The following PTCD1 variants were observed in gnomAD, a reference collection of about 807,000 sequenced individuals.
PTCD1 encodes pentatricopeptide repeat-containing protein 1, mitochondrial.
Under a neutral mutation model 53.4 loss-of-function variants are expected in PTCD1, and 50 were observed. That is an observed-to-expected ratio of 0.94 (90% CI 0.75 to 1.19). The LOEUF is 1.19. PTCD1 is among the 50% of genes most tolerant of loss of function. The pLI, the probability that PTCD1 is intolerant of heterozygous loss-of-function variation, is 0.00. For missense variants in PTCD1, 918 were observed against 904.8 expected (o/e 1.01, Z -0.19); for synonymous variants, 413 against 394.8 (o/e 1.05, Z -0.55).
At chr7:99,431,001 G>A (rs1022689934) in intron 3 of PTCD1, among the ~76,000 whole-genome samples, 1 of 152,074 alleles carries the variant, frequency 6.6e-6, no homozygotes, top group African/African-American at 2.4e-5. Flanking sequence ...CTTGAACCTG[G>A]GAGGTGGAGG....
chr7:99,427,493 C>A (rs1411996625), intron 5 of PTCD1, among the ~76,000 whole-genome samples: 4 of 150,202 alleles, frequency 2.7e-5, no homozygotes, highest in African/African-American at 9.8e-5. Flanking sequence ...GGGGGTCAGC[C>A]CCCCGCCCAG....
At position 99,429,743 on chromosome 7, in the gene PTCD1, C is replaced by T. The variant is rs142976150; in HGVS notation, c.658G>A (p.Glu220Lys). ...AGAGCTGAGTCCTTCCAGGGGGACT[C>T]GGCACAGACGTTGAACAGGGCCGTG... is the stretch of plus-strand genomic sequence containing the variant. ...TYTALFNVCAESPWKDSALQS... is the reference protein window; with the variant it reads ...TYTALFNVCAKSPWKDSALQS... Residue 220 changes from glutamate to lysine, a missense_variant, in exon 4 of 8, where the codon GAG (glutamate) becomes AAG (lysine). Transcript: ENST00000292478. 370 of 1,614,156 alleles carry T rather than the reference C, an allele frequency of 2.3e-4. 1 individual carries two copies. The highest frequency in any genetic ancestry group is 2.7e-4 in the Non-Finnish European group (313 of 1,180,038).
At position 99,433,283 on chromosome 7, in the gene PTCD1, T is replaced by A; in HGVS notation, c.589A>T (p.Asn197Tyr). 6.2e-7 allele frequency: 1 copy of A among 1,614,124 alleles called. No homozygotes were observed. The highest frequency in any genetic ancestry group is 8.5e-7 in the Non-Finnish European group (1 of 1,180,012). The change falls in exon 3 of 8, where the codon AAC (asparagine) becomes TAC (tyrosine). Residue 197 changes from asparagine (N) to tyrosine (Y), a missense_variant. Physicochemically the swap from Asn to Tyr is moderately radical, Grantham distance 143. Coordinates refer to ENST00000292478, the MANE Select transcript of PTCD1 (RefSeq NM_015545.4). ...GYLKKAFNLY[N>Y]QMKKRDLEPS... ...TGCCCTGCGCCCACATGCACCTGGTTGTAGAGGTTGAAGGCCTTCTTCAGG... is the reference window on the plus strand; with the variant it reads ...TGCCCTGCGCCCACATGCACCTGGTAGTAGAGGTTGAAGGCCTTCTTCAGG...
intron 7 of PTCD1, among the ~76,000 whole-genome samples, chr7:99,423,002 C>CTT (rs76812753): frequency 6.9e-6 from 1 of 144,602 alleles, no homozygotes; most frequent in Non-Finnish European, 1.5e-5. Context: ...GAGCTCTTCT[C>CTT]TTTTTTTTTT....
intron 7 of PTCD1, among the ~76,000 whole-genome samples, chr7:99,423,071 T>C (rs1208850799): frequency 6.6e-6 from 1 of 151,360 alleles, no homozygotes; most frequent in Non-Finnish European, 1.5e-5. Flanking sequence ...CTTCAGCTCT[T>C]AACCTCTTTT....
intron 4 of PTCD1, 49 bp downstream of exon 4, chr7:99,429,539 C>A: frequency 6.2e-7 from 1 of 1,613,400 alleles, no homozygotes; most frequent in South Asian, 1.1e-5. Flanking sequence ...GCCCCTGACA[C>A]GTGGGACCAG....
chr7:99,423,225 G>A (rs1027783774), intron 7 of PTCD1, among the ~76,000 whole-genome samples: 3 of 152,096 alleles, frequency 2.0e-5, no homozygotes, highest in Non-Finnish European at 4.4e-5. Context: ...GCGACAACCT[G>A]TTTGGAGTAC....
At position 99,419,927 on chromosome 7, in the gene PTCD1, A is replaced by G; in HGVS notation, c.*40T>C. The G allele has an allele frequency of 1.2e-6, 2 of 1,613,116 alleles. No homozygotes were observed. Among genetic ancestry groups the G allele is most frequent in the Non-Finnish European group, 1.7e-6 (2 of 1,179,912 alleles). On this transcript the variant is annotated 3_prime_UTR_variant, in exon 8 of 8. Coordinates refer to ENST00000292478, the MANE Select transcript of PTCD1 (RefSeq NM_015545.4). ...CTCACTTGTCCTGGGGCTCCCACAGAGCACTGGGGGCCGAGCACATTGTTC... is the reference window on the plus strand; with the variant it reads ...CTCACTTGTCCTGGGGCTCCCACAGGGCACTGGGGGCCGAGCACATTGTTC...
rs374030308 is a variant in PTCD1, at chr7:99,420,020, C to G, written c.2050G>C (p.Asp684His). 6.2e-7 allele frequency: 1 copy of G among 1,614,096 alleles called. No individual in the cohort carries two copies. The highest frequency in any genetic ancestry group is 1.1e-5 in the South Asian group (1 of 91,094). The change falls in exon 8 of 8, where the codon GAC becomes CAC. Residue 684 changes from aspartate (D) to histidine (H), a missense_variant. Physicochemically the swap from Asp to His is moderately conservative, Grantham distance 81 (BLOSUM62 -1). Transcript: ENST00000292478. ...WQKFRTKPQG[D>H]QDTGKEADDG... ...TCAGCCTCCTTGCCGGTGTCCTGGT[C>G]CCCCTGGGGCTTGGTCCGGAACTTC...
At position 99,437,324 on chromosome 7, in the gene PTCD1, C is replaced by CT. The variant is rs879615507; in HGVS notation, c.-27+1367dup. On this transcript the variant is annotated intron_variant, in intron 1 of 7. Transcript: ENST00000292478. ...ACCCTATCATAATTTCTTTTCTTTT[C>CT]TTTTTTTTTTTTTGAGACAGTCTCT... 8.1e-3 allele frequency among the ~76,000 whole-genome samples: 1,159 copies of CT among 143,240 alleles called. 10 individuals are homozygous for CT. The highest frequency in any genetic ancestry group is 0.02 in the African/African-American group (751 of 37,946). The allele number at this position is 143,240 out of a possible 152,430, so 94.0% of individuals were successfully genotyped here.
chr7:99,433,154 A>G lies in PTCD1; in HGVS notation c.594+124T>C, dbSNP rs896314331. The stretch of plus-strand genomic sequence containing the variant: ...ACCCACAATCACCACCATTTTAAGG[A>G]GATGACTCTGAGGCCAGGGAGGTGA... On this transcript the variant is annotated intron_variant, in intron 3 of 7. Coordinates refer to ENST00000292478, the MANE Select transcript of PTCD1 (RefSeq NM_015545.4). The G allele has an allele frequency of 4.1e-6, 6 of 1,452,246 alleles. No individual in the cohort carries two copies. In the African/African-American group the frequency reaches 7.0e-5, roughly 17 times the overall value. The allele number at this position is 1,452,246 out of a possible 1,614,324, so 90.0% of individuals were successfully genotyped here.
At chr7:99,423,077 C>CT (rs549528622) in intron 7 of PTCD1, among the ~76,000 whole-genome samples, 2,581 of 140,210 alleles carry the variant, frequency 0.018, 31 homozygotes, top group Admixed American at 0.038. Flanking sequence ...CTCTTAACCT[C>CT]TTTTTTTTTT....
In PTCD1 at chr7:99,417,403, A is replaced by C; in HGVS notation, c.*2564T>G. On this transcript the variant is annotated 3_prime_UTR_variant, in exon 8 of 8. Transcript: ENST00000292478. Reference sequence around the variant, plus strand: ...GGGAAGGTTTTTAGACCATGGCCTGATGCTCTTTCCCCATCTTTTTGACAG... The same window carrying C: ...GGGAAGGTTTTTAGACCATGGCCTGCTGCTCTTTCCCCATCTTTTTGACAG... 1 of 1,611,626 alleles carries C rather than the reference A, an allele frequency of 6.2e-7. No homozygotes were observed. Among genetic ancestry groups the C allele is most frequent in the Non-Finnish European group, 8.5e-7 (1 of 1,177,934 alleles).
Position 99,425,299 on chromosome 7 carries a change from T to A in PTCD1, c.1233A>T (p.Gln411His), listed in dbSNP as rs199760755. The change falls in exon 6 of 8, where the codon CAA (glutamine) becomes CAT (histidine). Residue 411 changes from glutamine (Q) to histidine (H), a missense_variant. By Grantham distance (24) the Gln-to-His change is conservative. Transcript: ENST00000292478. ...GCTCTGCCTTAGTATCCACCTCTGG[T>A]TGGGCCTTGCCGGGCACTCTGGCTT... ...PPEARVPGKA[Q>H]PEVDTKAEPS... 6.2e-7 allele frequency: 1 copy of A among 1,614,142 alleles called. No homozygotes were observed. Among genetic ancestry groups the A allele is most frequent in the Non-Finnish European group, 8.5e-7 (1 of 1,180,020 alleles).
chr7:99,431,405 G>C (rs943083669), intron 3 of PTCD1, among the ~76,000 whole-genome samples: 4 of 152,158 alleles, frequency 2.6e-5, no homozygotes, highest in African/African-American at 9.6e-5. Context: ...TGGGATTACA[G>C]GTGTGAGCCA....
At chr7:99,422,518 G>T (rs1203625445) in intron 7 of PTCD1, among the ~76,000 whole-genome samples, 3 of 152,216 alleles carry the variant, frequency 2.0e-5, no homozygotes, top group African/African-American at 4.8e-5. Flanking sequence ...GAGGTTGAAA[G>T]AAATTATTTA....
In PTCD1 at chr7:99,420,084, C is replaced by A; in HGVS notation, c.1986G>T (p.Leu662=). 3 of 1,614,214 alleles carry A rather than the reference C, an allele frequency of 1.9e-6. No homozygotes were observed. The highest frequency in any genetic ancestry group is 2.5e-6 in the Non-Finnish European group (3 of 1,180,028). ...GGGTTTCCTCTGCGGGCATCACTGT[C>A]AGCCACTGCTTGTAATAGGCTCGGA... ...DGFRAYYKQW[L]TVMPAEETPH... is the part of the protein sequence containing the mutation. The change falls in exon 8 of 8, where the codon CTG becomes CTT. Residue 662 remains leucine (L), a synonymous_variant. Coordinates refer to ENST00000292478, the MANE Select transcript of PTCD1 (RefSeq NM_015545.4).
Position 99,417,371 on chromosome 7 carries a change from A to G in PTCD1, c.*2596T>C. 6.4e-7 allele frequency: 1 copy of G among 1,573,616 alleles called. No individual in the cohort carries two copies. On this transcript the variant is annotated 3_prime_UTR_variant, in exon 8 of 8. Coordinates refer to ENST00000292478, the MANE Select transcript of PTCD1 (RefSeq NM_015545.4). ...CCCGGCCTGAATGCTTTTTTTGATCAAGGGTGGGGAAGGTTTTTAGACCAT... is the reference window on the plus strand; with the variant it reads ...CCCGGCCTGAATGCTTTTTTTGATCGAGGGTGGGGAAGGTTTTTAGACCAT...
chr7:99,421,607 T>G (rs1302242012), intron 7 of PTCD1, among the ~76,000 whole-genome samples: 1 of 148,834 alleles, frequency 6.7e-6, no homozygotes, highest in East Asian at 2.0e-4. Context: ...CCACAAAAAT[T>G]AGCCTGGTGT....
Sources: gnomAD v4.1 joint callset for allele counts (sites outside exome capture counted in the v4.1 genomes callset) on GRCh38, gnomAD v4.1.1 for gene constraint, MANE v1.5 for transcripts, NCBI Gene and HGNC (gene_info 2026-07-23, HGNC 2026-07-21) for gene names.